Variants in SPOCK3 observed in about 807,000 individuals in gnomAD.
The protein encoded by SPOCK3 is SPARC (osteonectin), cwcv and kazal like domains proteoglycan 3, also known as testican-3.
A neutral mutation model predicts 56.6 loss-of-function variants in SPOCK3; 30 were observed. The observed-to-expected ratio is 0.53, with a 90% confidence interval of 0.40 to 0.72. The LOEUF (loss-of-function observed/expected upper bound fraction) is 0.72, where lower values mean the gene tolerates loss of function less well. Ranked by LOEUF, SPOCK3 falls within the 30% of genes least tolerant of loss-of-function variation. SPOCK3 has a pLI of 0.00. For synonymous variants in SPOCK3, 196 were observed against 183.3 expected (o/e 1.07, Z -0.56); for missense variants, 527 against 530.0 (o/e 0.99, Z 0.06).
chr4:167,176,806 A>C (rs1023496590), intron 2 of SPOCK3, among the ~76,000 whole-genome samples: 7 of 152,256 alleles, frequency 4.6e-5, no homozygotes, highest in African/African-American at 1.2e-4. Context: ...GAACTGCTCC[A>C]TATGGAGACA....
intron 4 of SPOCK3, among the ~76,000 whole-genome samples, chr4:166,914,930 G>A (rs1446178518): frequency 2.6e-5 from 4 of 151,768 alleles, no homozygotes; most frequent in Non-Finnish European, 5.9e-5. Flanking sequence ...AAATAAACAT[G>A]TTCATATTCT....
chr4:166,852,063 C>T (rs1335533798), intron 6 of SPOCK3, among the ~76,000 whole-genome samples: 37 of 150,480 alleles, frequency 2.5e-4, no homozygotes, highest in South Asian at 6.3e-4. Context: ...AACCAAACAC[C>T]GCATATTCTC....
At chr4:167,031,486 A>G (rs1330631107) in intron 3 of SPOCK3, among the ~76,000 whole-genome samples, 1 of 152,076 alleles carries the variant, frequency 6.6e-6, no homozygotes, top group African/African-American at 2.4e-5. Context: ...ACATTCCAAT[A>G]TTATTATAAT....
At chr4:166,964,499 G>A (rs951911605) in intron 4 of SPOCK3, among the ~76,000 whole-genome samples, 2 of 151,676 alleles carry the variant, frequency 1.3e-5, no homozygotes, top group Non-Finnish European at 3.0e-5. Context: ...AACAATTAGG[G>A]AACACAGGAT....
chr4:167,024,190 C>A (rs1751470709), intron 3 of SPOCK3, among the ~76,000 whole-genome samples: 1 of 152,016 alleles, frequency 6.6e-6, no homozygotes, highest in Non-Finnish European at 1.5e-5. Context: ...CCTGTTCACA[C>A]TTTTGCGCAC....
intron 3 of SPOCK3, among the ~76,000 whole-genome samples, chr4:167,056,668 C>A (rs1463354209): frequency 2.0e-5 from 3 of 152,056 alleles, no homozygotes; most frequent in Non-Finnish European, 2.9e-5. Context: ...ATGCGATCAA[C>A]TGGAAGAAAG....
At chr4:166,949,482 T>G (rs2150032228) in intron 4 of SPOCK3, among the ~76,000 whole-genome samples, 1 of 152,294 alleles carries the variant, frequency 6.6e-6, no homozygotes, top group South Asian at 2.1e-4. Context: ...TATCTACTTT[T>G]GGTCTTTGAT....
chr4:166,911,529 G>A (rs1357232225), intron 5 of SPOCK3, among the ~76,000 whole-genome samples: 1 of 151,918 alleles, frequency 6.6e-6, no homozygotes, highest in Non-Finnish European at 1.5e-5. Context: ...GTATTAATAT[G>A]TTTTTGTTTT....
At chr4:166,904,254 A>G (rs899474635) in intron 5 of SPOCK3, among the ~76,000 whole-genome samples, 2 of 152,028 alleles carry the variant, frequency 1.3e-5, no homozygotes, top group Admixed American at 1.3e-4. Flanking sequence ...AGTGTATGTT[A>G]TATATCTTAT....
chr4:167,151,967 G>A lies in SPOCK3; in HGVS notation c.189+82018C>T, dbSNP rs957622299. On this transcript the variant is annotated intron_variant, in intron 2 of 10. Coordinates refer to ENST00000357545, the MANE Select transcript of SPOCK3 (RefSeq NM_001040159.2). ...GCTTTCAGTACTAGACAGTAGAGAC[G>A]GGCCCTATCAACAAACCTCTTTTGT... Among the ~76,000 whole-genome samples, 5 of 152,218 alleles carry A rather than the reference G, an allele frequency of 3.3e-5. 1 individual carries two copies. The highest frequency in any genetic ancestry group is 4.1e-4 in the South Asian group (2 of 4,830).
At chr4:166,814,928 C>A (rs1411903009) in intron 6 of SPOCK3, among the ~76,000 whole-genome samples, 1 of 152,018 alleles carries the variant, frequency 6.6e-6, no homozygotes, top group Admixed American at 6.6e-5. Context: ...ATTCCCAGAG[C>A]CCCCTCAGTT....
At chr4:167,066,210 T>C (rs1245169818) in intron 2 of SPOCK3, among the ~76,000 whole-genome samples, 1 of 151,924 alleles carries the variant, frequency 6.6e-6, no homozygotes, top group African/African-American at 2.4e-5. Flanking sequence ...ACCTATGTAT[T>C]GTAGAGCATA....
At chr4:166,953,545 G>GAA (rs1742978833) in intron 4 of SPOCK3, among the ~76,000 whole-genome samples, 3 of 151,978 alleles carry the variant, frequency 2.0e-5, no homozygotes, top group Non-Finnish European at 4.4e-5. Flanking sequence ...CAGGGATCTA[G>GAA]AACTAGAAAT....
intron 3 of SPOCK3, among the ~76,000 whole-genome samples, chr4:167,024,019 C>T (rs1019983209): frequency 6.6e-6 from 1 of 152,022 alleles, no homozygotes; most frequent in African/African-American, 2.4e-5. Flanking sequence ...CTGCATGCCT[C>T]ACCTATGCAG....
chr4:167,227,291 T>C (rs1480305583), intron 2 of SPOCK3, among the ~76,000 whole-genome samples: 2 of 152,162 alleles, frequency 1.3e-5, no homozygotes, highest in Non-Finnish European at 2.9e-5. Flanking sequence ...AGTGGTTCAA[T>C]ACTTATAACT....
intron 2 of SPOCK3, among the ~76,000 whole-genome samples, chr4:167,227,862 A>G (rs1179600235): frequency 6.6e-6 from 1 of 152,154 alleles, no homozygotes; most frequent in East Asian, 1.9e-4. Context: ...CAGAGTAGCA[A>G]CATAAATGCT....
chr4:167,011,252 T>G lies in SPOCK3; in HGVS notation c.236-10789A>C, dbSNP rs180791293. The G allele has an allele frequency of 1.1e-3, 482 of 455,928 alleles. 1 individual carries two copies. In the Middle Eastern group the frequency reaches 0.013, roughly 12 times the overall value. 28.2% of individuals were successfully genotyped at this position (455,928 alleles called of 1,614,324 possible). On this transcript the variant is annotated intron_variant, in intron 3 of 10. Transcript: ENST00000357545. ...AAGTACTAATCCAAAGGAAGGCAGT[T>G]ATGGCAATATTCACATCACACAAAA...
chr4:166,735,009 A>G lies in SPOCK3; in HGVS notation c.1214T>C (p.Ile405Thr), dbSNP rs144307556. Residue 405 changes from isoleucine (I) to threonine (T), a missense_variant, in exon 11 of 11, where the codon ATT (isoleucine) becomes ACT (threonine). Ile to Thr is a moderately conservative substitution (Grantham distance 89). Coordinates refer to ENST00000357545, the MANE Select transcript of SPOCK3 (RefSeq NM_001040159.2). ...WTDDEDDEDD[I>T]MNDEDEIEDD... ...TTCAATTTCATCTTCATCATTCATA[A>G]TATCGTCTTCATCATCCTCATCATC... The G allele has an allele frequency of 8.3e-5, 130 of 1,560,692 alleles. No homozygotes were observed. In the African/African-American group the frequency reaches 1.6e-3, roughly 19 times the overall value.
chr4:167,021,591 C>T (rs1189520540), intron 3 of SPOCK3, among the ~76,000 whole-genome samples: 2 of 152,004 alleles, frequency 1.3e-5, no homozygotes, highest in Non-Finnish European at 1.5e-5. Flanking sequence ...ATCCCTACCC[C>T]TCTCTCCGGT....
Sources: allele counts gnomAD v4.1 joint callset (sites outside exome capture counted in the v4.1 genomes callset), GRCh38; gene constraint gnomAD v4.1.1; transcripts MANE v1.5; gene names NCBI Gene and HGNC (gene_info 2026-07-23, HGNC 2026-07-21).